PPP2R2C: variants seen among roughly 807,000 people sequenced by gnomAD.
The protein encoded by PPP2R2C is protein phosphatase 2, regulatory subunit B, gamma.
In PPP2R2C, 10 loss-of-function variants were observed where a neutral mutation model predicts 45.3. The ratio of observed to expected loss-of-function variants is 0.22; its 90% CI spans 0.14 to 0.37. The LOEUF (loss-of-function observed/expected upper bound fraction) is 0.37. PPP2R2C is among the 10% of genes least tolerant of loss of function. The pLI is 1.00. For missense variants in PPP2R2C, 308 were observed against 619.7 expected (o/e 0.50, Z 5.34); for synonymous variants, 257 against 245.4 (o/e 1.05, Z -0.44).
At position 6,328,821 on chromosome 4, in the gene PPP2R2C, G is replaced by A. The variant is rs1732162734; in HGVS notation, c.1052+441C>T. On this transcript the variant is annotated intron_variant, in intron 8 of 8. Coordinates refer to ENST00000382599, the MANE Select transcript of PPP2R2C (RefSeq NM_020416.4). This position sits in a 1 kb window ranked among gnomAD's most constrained non-coding sequence, Gnocchi z 4.4. ...GTGTCACCAGGAAGAGAGGGAGACA[G>A]TAGTGGTGATGGGAGGAGGGGTGAG... Among the ~76,000 whole-genome samples the A allele has an allele frequency of 1.3e-5, 2 of 152,216 alleles. No individual in the cohort carries two copies. The highest frequency in any genetic ancestry group is 2.9e-5 in the Non-Finnish European group (2 of 68,030).
At chr4:6,335,915 CAGG>C (rs1280124062) in intron 6 of PPP2R2C, among the ~76,000 whole-genome samples, 2 of 152,078 alleles carry the variant, frequency 1.3e-5, no homozygotes, top group African/African-American at 4.8e-5. Flanking sequence ...CCCTGAAGCT[CAGG>C]AGATCTATAT....
intron 1 of PPP2R2C, among the ~76,000 whole-genome samples, chr4:6,397,359 C>T (rs1362294081): frequency 1.3e-5 from 2 of 152,248 alleles, no homozygotes; most frequent in Admixed American, 1.3e-4. Context: ...GCCTCGGGGC[C>T]TGGCTTGATA....
chr4:6,522,260 C>T (rs1293163076), intron 2 of PPP2R2C, among the ~76,000 whole-genome samples: 2 of 152,194 alleles, frequency 1.3e-5, no homozygotes, highest in African/African-American at 4.8e-5. Flanking sequence ...TTCTGAGACC[C>T]CAAAATGTAA....
At chr4:6,420,758 T>C (rs1313745284) in intron 1 of PPP2R2C, among the ~76,000 whole-genome samples, 1 of 152,122 alleles carries the variant, frequency 6.6e-6, no homozygotes, top group African/African-American at 2.4e-5. Flanking sequence ...CATGAGACAA[T>C]GGAGCCATAG....
chr4:6,513,650 G>C (rs1401365231), intron 2 of PPP2R2C, among the ~76,000 whole-genome samples: 1 of 152,238 alleles, frequency 6.6e-6, no homozygotes, highest in Non-Finnish European at 1.5e-5. Flanking sequence ...TCAGGTATGA[G>C]GGTGAACAAG....
chr4:6,331,045 G>C lies in PPP2R2C; in HGVS notation c.961-1692C>G, dbSNP rs1427058674. On this transcript the variant is annotated intron_variant, in intron 7 of 8. Coordinates refer to ENST00000382599, the MANE Select transcript of PPP2R2C (RefSeq NM_020416.4). The surrounding 1 kb of genome is among the most constrained non-coding windows in gnomAD (Gnocchi z 5.9). ...GCACTGTGTTGGGCACAGGGTACTG[G>C]CTCAGTATGTGTAACAACTAAAATC... 2.0e-5 allele frequency among the ~76,000 whole-genome samples: 3 copies of C among 152,146 alleles called. No homozygotes were observed. Among genetic ancestry groups the C allele is most frequent in the African/African-American group, 7.2e-5 (3 of 41,426 alleles).
intron 6 of PPP2R2C, among the ~76,000 whole-genome samples, chr4:6,338,551 G>A (rs766556726): frequency 7.9e-5 from 12 of 152,098 alleles, no homozygotes; most frequent in African/African-American, 2.2e-4. Context: ...CAGAGCCGAC[G>A]GCACCTCCTT....
intron 2 of PPP2R2C, among the ~76,000 whole-genome samples, chr4:6,533,022 G>A (rs1020430093): frequency 9.9e-5 from 15 of 152,238 alleles, no homozygotes; most frequent in Admixed American, 9.8e-4. Flanking sequence ...ATGGTGCATG[G>A]AGGCAGGGGT....
chr4:6,446,430 G>A (rs573002534), intron 1 of PPP2R2C, among the ~76,000 whole-genome samples: 7 of 152,178 alleles, frequency 4.6e-5, no homozygotes, highest in South Asian at 2.1e-4. Flanking sequence ...GCCAGGCCAC[G>A]GGGGGAACAG....
chr4:6,442,052 G>A (rs931985577), intron 1 of PPP2R2C, among the ~76,000 whole-genome samples: 1 of 152,212 alleles, frequency 6.6e-6, no homozygotes, highest in Non-Finnish European at 1.5e-5. Context: ...GGTGGGGGAA[G>A]GCAGCCAGCA....
At chr4:6,526,462 G>C (rs917101357) in intron 2 of PPP2R2C, among the ~76,000 whole-genome samples, 2 of 152,188 alleles carry the variant, frequency 1.3e-5, no homozygotes, top group African/African-American at 4.8e-5. Context: ...AAATGTTCTG[G>C]GCCTAGATAG....
In PPP2R2C at chr4:6,378,951, C is replaced by T. The variant is rs1715572285; in HGVS notation, c.169-379G>A. 6.6e-6 allele frequency among the ~76,000 whole-genome samples: 1 copy of T among 151,820 alleles called. No homozygotes were observed. The highest frequency in any genetic ancestry group is 2.1e-4 in the South Asian group (1 of 4,806). ...TTTCACAGACCAGCAAACAGAGACT[C>T]AGAGGGGAAGTGACTTCCCAGAGCC... is the stretch of plus-strand genomic sequence containing the variant. On this transcript the variant is annotated intron_variant, in intron 2 of 8. Transcript: ENST00000382599. The surrounding 1 kb of genome is among the most constrained non-coding windows in gnomAD (Gnocchi z 5.2).
intron 1 of PPP2R2C, among the ~76,000 whole-genome samples, chr4:6,410,845 A>T (rs567515874): frequency 2.4e-3 from 21 of 8,688 alleles, no homozygotes; most frequent in Admixed American, 6.5e-3. Flanking sequence ...CCCCTGTTTT[A>T]TTTATTTATT....
chr4:6,371,296 A>C (rs575033564), intron 5 of PPP2R2C, among the ~76,000 whole-genome samples: 71 of 152,308 alleles, frequency 4.7e-4, no homozygotes, highest in African/African-American at 1.6e-3. Context: ...GCTGTTTTCC[A>C]AGGGTCTCCC....
At chr4:6,462,047 T>C (rs1194592745) in intron 1 of PPP2R2C, among the ~76,000 whole-genome samples, 1 of 152,234 alleles carries the variant, frequency 6.6e-6, no homozygotes, top group African/African-American at 2.4e-5. Context: ...CTGGACAACT[T>C]GCCCAAGATC....
intron 1 of PPP2R2C, among the ~76,000 whole-genome samples, chr4:6,441,200 C>G (rs903440774): frequency 6.6e-6 from 1 of 152,082 alleles, no homozygotes; most frequent in African/African-American, 2.4e-5. Flanking sequence ...GAAAAAAGCA[C>G]CTCAGGGCCC....
rs148294571 is a variant in PPP2R2C, at chr4:6,329,712, T to C, written c.961-359A>G. On this transcript the variant is annotated intron_variant, in intron 7 of 8. Transcript: ENST00000382599. This position sits in a 1 kb window ranked among gnomAD's most constrained non-coding sequence, Gnocchi z 5.8. ...CACGACCAGGCACACGGCTGACCTC[T>C]GAGCTGTGGCCAGAGACGGGAGTAG... Among the ~76,000 whole-genome samples the C allele has an allele frequency of 5.4e-3, 823 of 151,300 alleles. 9 individuals are homozygous for C. Among genetic ancestry groups the C allele is most frequent in the African/African-American group, 0.018 (760 of 41,082 alleles).
intron 6 of PPP2R2C, among the ~76,000 whole-genome samples, chr4:6,343,754 T>G (rs1409488909): frequency 1.3e-5 from 2 of 151,984 alleles, no homozygotes; most frequent in Non-Finnish European, 1.5e-5. Flanking sequence ...ACCAAATAGA[T>G]TTGCACACAA....
intron 1 of PPP2R2C, among the ~76,000 whole-genome samples, chr4:6,548,380 C>G (rs1254229289): frequency 6.6e-6 from 1 of 152,212 alleles, no homozygotes; most frequent in Non-Finnish European, 1.5e-5. Context: ...TGCTCCCATC[C>G]TCACAGCCAC....
Sources: gnomAD v4.1 joint callset for allele counts (sites outside exome capture counted in the v4.1 genomes callset) on GRCh38, gnomAD v4.1.1 for gene constraint, Gnocchi (gnomAD v3.1) non-coding constraint, MANE v1.5 for transcripts, NCBI Gene and HGNC (gene_info 2026-07-23, HGNC 2026-07-21) for gene names.